Variants in MAPRE1 observed in about 807,000 individuals in gnomAD.
MAPRE1 encodes microtubule-associated protein RP/EB family member 1.
Under a neutral mutation model 32.1 loss-of-function variants are expected in MAPRE1, and 5 were observed. The ratio of observed to expected loss-of-function variants is 0.16; its 90% CI spans 0.08 to 0.33. MAPRE1 has a LOEUF of 0.33. Among genes scored for constraint, MAPRE1 ranks in the 10% least tolerant of loss-of-function variants. MAPRE1 has a pLI of 1.00. For missense variants in MAPRE1, 209 were observed against 327.2 expected (o/e 0.64, Z 2.79); for synonymous variants, 122 against 118.9 (o/e 1.03, Z -0.17).
rs1401597061 is a variant in MAPRE1, at chr20:32,850,123, A to G, written c.*1395A>G. Reference sequence around the variant, plus strand: ...GTTTCTGGTGGTAGCTTGTCCTGAAATGTGTGTAGAAAGCAAGTATTTTAT... The same window carrying G: ...GTTTCTGGTGGTAGCTTGTCCTGAAGTGTGTGTAGAAAGCAAGTATTTTAT... On this transcript the variant is annotated 3_prime_UTR_variant, in exon 7 of 7. Transcript: ENST00000375571. 7 of 152,570 alleles carry G rather than the reference A, an allele frequency of 4.6e-5. No individual in the cohort carries two copies. Among genetic ancestry groups the G allele is most frequent in the Non-Finnish European group, 1.0e-4 (7 of 68,022 alleles). The allele number at this position is 152,570 out of a possible 1,614,324, so 9.5% of individuals were successfully genotyped here.
chr20:32,829,877 G>A (rs1208277592), intron 2 of MAPRE1, among the ~76,000 whole-genome samples: 1 of 152,178 alleles, frequency 6.6e-6, no homozygotes, highest in Non-Finnish European at 1.5e-5. Flanking sequence ...TGTAGTCTCC[G>A]TAGTTTGGAG....
intron 1 of MAPRE1, among the ~76,000 whole-genome samples, chr20:32,820,365 T>C (rs1601156230): frequency 7.0e-6 from 1 of 143,222 alleles, no homozygotes; most frequent in Non-Finnish European, 1.6e-5. Flanking sequence ...GTGGGCGAGG[T>C]GGGCCGTCCT....
chr20:32,837,935 T>C (rs1568881081), intron 4 of MAPRE1, among the ~76,000 whole-genome samples: 1 of 151,986 alleles, frequency 6.6e-6, no homozygotes, highest in Non-Finnish European at 1.5e-5. Context: ...ATACAAAAAT[T>C]ATCTGGGCAT....
intron 2 of MAPRE1, among the ~76,000 whole-genome samples, chr20:32,828,326 C>T (rs1982924062): frequency 1.3e-5 from 2 of 152,194 alleles, no homozygotes; most frequent in African/African-American, 2.4e-5. Flanking sequence ...TCACTGGAGC[C>T]AGCTTTTTAC....
chr20:32,846,877 C>G, intron 6 of MAPRE1, 107 bp downstream of exon 6: 1 of 1,218,528 alleles, frequency 8.2e-7, no homozygotes, highest in Non-Finnish European at 1.2e-6. Context: ...CAAAAGACTT[C>G]ATCTTTAACC....
rs1011227287 is a variant in MAPRE1, at chr20:32,844,378, G to A, written c.598-2240G>A. On this transcript the variant is annotated intron_variant, in intron 5 of 6. Transcript: ENST00000375571. ...TTTGTTGGACAGAGAAGGTTTTAAA[G>A]GGTTTGAGAGGGTAGCATTAGTGAA... Among the ~76,000 whole-genome samples the A allele has an allele frequency of 2.0e-5, 3 of 148,132 alleles. No homozygotes were observed. The East Asian group carries it at 6.3e-4, about 31-fold the overall frequency.
chr20:32,845,032 T>TATGTATGTATGA (rs1220738256), intron 5 of MAPRE1, among the ~76,000 whole-genome samples: 1 of 105,894 alleles, frequency 9.4e-6, no homozygotes, highest in Non-Finnish European at 2.0e-5. Flanking sequence ...TGTATGTATG[T>TATGTATGTATGA]ATGAATGAAT....
At position 32,842,310 on chromosome 20, in the gene MAPRE1, C is replaced by T. The variant is rs369113837; in HGVS notation, c.597+2454C>T. Among the ~76,000 whole-genome samples, 7 of 152,332 alleles carry T rather than the reference C, an allele frequency of 4.6e-5. No homozygotes were observed. In the East Asian group the frequency reaches 5.8e-4, roughly 13 times the overall value. On this transcript the variant is annotated intron_variant, in intron 5 of 6. Transcript: ENST00000375571. ...CCGTGTTAGCCAGGATGGTCTCGAT[C>T]TTCTGGCCTTGTGATCCATCTGCCT...
At chr20:32,842,163 G>A (rs1983382700) in intron 5 of MAPRE1, among the ~76,000 whole-genome samples, 1 of 152,078 alleles carries the variant, frequency 6.6e-6, no homozygotes, top group African/African-American at 2.4e-5. Flanking sequence ...TTTGCTCACT[G>A]CAAGCTCCGC....
At chr20:32,845,028 TATGTATGA>T (rs1441127938) in intron 5 of MAPRE1, among the ~76,000 whole-genome samples, 49 of 89,906 alleles carry the variant, frequency 5.5e-4, no homozygotes, top group African/African-American at 8.5e-4. Flanking sequence ...TGTATGTATG[TATGTATGA>T]ATGAATGAAT....
chr20:32,835,364 G>GTTTTTTTT lies in MAPRE1; in HGVS notation c.268-1261_268-1254dup, dbSNP rs71190879. ...TTTTTGTGTGTGTGTTTTTATTGGT[G>GTTTTTTTT]TTTTTTTTTTTTTTTTGAGATGAGG... On this transcript the variant is annotated intron_variant, in intron 3 of 6. Coordinates refer to ENST00000375571, the MANE Select transcript of MAPRE1 (RefSeq NM_012325.3). Among the ~76,000 whole-genome samples the GTTTTTTTT allele has an allele frequency of 7.8e-3, 829 of 106,552 alleles. 151 individuals are homozygous for GTTTTTTTT. Among genetic ancestry groups the GTTTTTTTT allele is most frequent in the African/African-American group, 0.035 (741 of 21,372 alleles). 69.9% of individuals were successfully genotyped at this position (106,552 alleles called of 152,430 possible).
rs767941436 is a variant in MAPRE1 at position 32,850,387 on chromosome 20, A to G, written c.*1659A>G. 13 of 152,482 alleles carry G rather than the reference A, an allele frequency of 8.5e-5. No individual in the cohort carries two copies. The highest frequency in any genetic ancestry group is 1.3e-4 in the Non-Finnish European group (9 of 68,032). The allele number at this position is 152,482 out of a possible 1,614,324, so 9.4% of individuals were successfully genotyped here. On this transcript the variant is annotated 3_prime_UTR_variant, in exon 7 of 7. Coordinates refer to ENST00000375571, the MANE Select transcript of MAPRE1 (RefSeq NM_012325.3). ...CTACTTTAAACAGTTTCTAAATAAA[A>G]TTCTGTATTTCAAGAGTATCATGTC...
intron 3 of MAPRE1, among the ~76,000 whole-genome samples, chr20:32,835,307 ATACT>A (rs1230319569): frequency 6.6e-5 from 10 of 151,178 alleles, no homozygotes; most frequent in African/African-American, 1.5e-4. Flanking sequence ...TATAATAGAA[ATACT>A]TACAGGGTCC....
intron 5 of MAPRE1, among the ~76,000 whole-genome samples, chr20:32,846,099 C>T (rs535252758): frequency 2.9e-4 from 44 of 152,286 alleles, no homozygotes; most frequent in African/African-American, 8.4e-4. Context: ...GAGTCCTGGC[C>T]TAAGGACTGA....
intron 2 of MAPRE1, among the ~76,000 whole-genome samples, chr20:32,832,289 G>A (rs1283336422): frequency 1.3e-5 from 2 of 152,156 alleles, no homozygotes; most frequent in Non-Finnish European, 2.9e-5. Flanking sequence ...TGGAAGGGCA[G>A]TAAAGTACAC....
At chr20:32,831,305 A>C (rs986183094) in intron 2 of MAPRE1, among the ~76,000 whole-genome samples, 1 of 152,118 alleles carries the variant, frequency 6.6e-6, no homozygotes, top group Non-Finnish European at 1.5e-5. Context: ...CATGAAGAGA[A>C]TCATACTCGC....
intron 2 of MAPRE1, 131 bp downstream of exon 2, chr20:32,826,179 T>A: frequency 3.1e-6 from 2 of 651,898 alleles, no homozygotes; most frequent in Non-Finnish European, 4.8e-6. Context: ...TGTTTCTTCC[T>A]CTCAGCCCTG....
chr20:32,830,872 C>T (rs999836134), intron 2 of MAPRE1, among the ~76,000 whole-genome samples: 10 of 152,120 alleles, frequency 6.6e-5, no homozygotes, highest in East Asian at 1.9e-4. Flanking sequence ...TACAGGCGCC[C>T]GCCACCACAC....
chr20:32,843,617 G>A (rs1463174908), intron 5 of MAPRE1: 1 of 152,188 alleles, frequency 6.6e-6, no homozygotes, highest in African/African-American at 2.4e-5. Flanking sequence ...AATGATCAAT[G>A]AGCTGTTTTA....
Sources: allele counts gnomAD v4.1 joint callset (sites outside exome capture counted in the v4.1 genomes callset), GRCh38; gene constraint gnomAD v4.1.1; transcripts MANE v1.5; gene names NCBI Gene and HGNC (gene_info 2026-07-23, HGNC 2026-07-21).